HPD: variants seen among roughly 807,000 people sequenced by gnomAD.
HPD encodes the protein 4-hydroxyphenylpyruvate dioxygenase.
In HPD, 35 loss-of-function variants were observed where a neutral mutation model predicts 56.9. The ratio of observed to expected loss-of-function variants is 0.62; its 90% CI spans 0.47 to 0.82. The LOEUF (loss-of-function observed/expected upper bound fraction) is 0.82, where lower values mean the gene tolerates loss of function less well. Ranked by LOEUF, HPD falls within the 40% of genes least tolerant of loss-of-function variation. The pLI is 0.00. For synonymous variants in HPD, 186 were observed against 200.2 expected (o/e 0.93, Z 0.60); for missense variants, 442 against 506.8 (o/e 0.87, Z 1.23).
chr12:121,843,051 A>C (rs887863368), intron 12 of HPD, among the ~76,000 whole-genome samples: 1 of 152,142 alleles, frequency 6.6e-6, no homozygotes, highest in Admixed American at 6.6e-5. Context: ...CAGTCCTAAA[A>C]TGGATTTTGA....
chr12:121,881,888 C>T, the HPD span, among the ~76,000 whole-genome samples: 1 of 138,460 alleles, frequency 7.2e-6, no homozygotes, highest in Non-Finnish European at 1.6e-5. Flanking sequence ...CCTCATGATC[C>T]GCCCACCTCA....
At chr12:121,879,506 T>C in the HPD span, among the ~76,000 whole-genome samples, 5 of 151,142 alleles carry the variant, frequency 3.3e-5, no homozygotes, top group South Asian at 2.1e-4. Flanking sequence ...TCTTCTCTTT[T>C]TTCTTTTCTT....
Position 121,856,620 on chromosome 12 carries a change from C to G in HPD, c.204G>C (p.Val68=), listed in dbSNP as rs143602040. 38 of 1,614,028 alleles carry G rather than the reference C, an allele frequency of 2.4e-5. No homozygotes were observed. Among genetic ancestry groups the G allele is most frequent in the Non-Finnish European group, 3.1e-5 (36 of 1,180,008 alleles). ...VSHVIKQGKI[V]FVLSSALNPW... ...GGTTGAGCGCTGAGGAGAGGACAAA[C>G]ACAATCTAAGATAGGAGGAGAAGGA... Residue 68 remains valine, a synonymous_variant, in exon 5 of 14, where the codon GTG becomes GTC. Transcript: ENST00000289004.
chr12:121,852,171 C>T (rs1042387094), intron 7 of HPD, among the ~76,000 whole-genome samples: 27 of 151,938 alleles, frequency 1.8e-4, no homozygotes, highest in African/African-American at 6.0e-4. Flanking sequence ...AGGCATGCTC[C>T]ATCATGCCTG....
At chr12:121,886,563 G>T in the HPD span, among the ~76,000 whole-genome samples, 7 of 152,034 alleles carry the variant, frequency 4.6e-5, no homozygotes, top group African/African-American at 1.7e-4. Context: ...ACGTGGATTT[G>T]CTAATTGTTA....
In HPD at chr12:121,857,438, T is replaced by A. The variant is rs2707072; in HGVS notation, c.94-6A>T. On this transcript the variant is annotated splice_region_variant and splice_polypyrimidine_tract_variant and intron_variant, in intron 3 of 13. Coordinates refer to ENST00000289004, the MANE Select transcript of HPD (RefSeq NM_002150.3). ...CTGCAGTAGAATGACGTGGCCTGAA[T>A]CACAGGGTTGCAGCAGGGTTCATGA... 140,579 of 1,598,086 alleles carry A rather than the reference T, an allele frequency of 0.088. 8,440 individuals carry two copies. The highest frequency in any genetic ancestry group is 0.25 in the African/African-American group (18,866 of 74,642).
chr12:121,853,494 C>T (rs564883225), intron 7 of HPD, among the ~76,000 whole-genome samples: 5 of 151,392 alleles, frequency 3.3e-5, no homozygotes, highest in South Asian at 2.1e-4. Flanking sequence ...TGGTGGCGGG[C>T]GCCTGTAGTC....
At chr12:121,878,505 C>T in the HPD span, among the ~76,000 whole-genome samples, 49 of 152,178 alleles carry the variant, frequency 3.2e-4, no homozygotes, top group South Asian at 4.2e-4. Flanking sequence ...TACGCCACCA[C>T]GCCCGGCTAA....
intron 12 of HPD, among the ~76,000 whole-genome samples, chr12:121,840,511 G>C (rs370868477): frequency 1.3e-5 from 2 of 152,088 alleles, no homozygotes; most frequent in East Asian, 3.9e-4. Flanking sequence ...TATTGGTCAG[G>C]CTGGTCTCGA....
At chr12:121,845,609 A>T (rs1877558915) in intron 11 of HPD, among the ~76,000 whole-genome samples, 1 of 151,610 alleles carries the variant, frequency 6.6e-6, no homozygotes, top group Admixed American at 6.6e-5. Flanking sequence ...TCAAAAAAAA[A>T]AAAAAAAAAA....
At chr12:121,875,286 C>A in the HPD span, among the ~76,000 whole-genome samples, 1 of 152,132 alleles carries the variant, frequency 6.6e-6, no homozygotes, top group South Asian at 2.1e-4. Flanking sequence ...AGATTTAGAC[C>A]AAGGGCCATG....
At chr12:121,843,619 C>A in intron 12 of HPD, 91 bp downstream of exon 12, 2 of 1,485,950 alleles carry the variant, frequency 1.3e-6, no homozygotes, top group South Asian at 1.2e-5. Context: ...TTGGTCTGGG[C>A]TCCCCTCCGG....
upstream of HPD, among the ~76,000 whole-genome samples, chr12:121,864,222 G>GACAGAGCAAGACTCTGTCACA (rs1428351491): frequency 1.3e-5 from 2 of 151,192 alleles, no homozygotes; most frequent in African/African-American, 4.9e-5. Flanking sequence ...CCAGCCTGGC[G>GACAGAGCAAGACTCTGTCACA]ACAGAGCAAG....
At chr12:121,857,483 G>C in intron 3 of HPD, 51 bp from the exon 4 acceptor site, 1 of 1,362,956 alleles carries the variant, frequency 7.3e-7, no homozygotes, top group South Asian at 1.2e-5. Context: ...GGCCAGCATG[G>C]GGGACTTCCG....
intron 11 of HPD, among the ~76,000 whole-genome samples, chr12:121,845,406 C>T (rs1395843639): frequency 6.7e-6 from 1 of 149,160 alleles, no homozygotes; most frequent in Non-Finnish European, 1.5e-5. Context: ...ACCATCCTGG[C>T]TAACACAGTG....
the HPD span, among the ~76,000 whole-genome samples, chr12:121,877,688 G>A: frequency 6.6e-6 from 1 of 152,056 alleles, no homozygotes; most frequent in Non-Finnish European, 1.5e-5. Flanking sequence ...AGCTGAGATC[G>A]TGCCACTGCG....
At chr12:121,870,081 G>A in the HPD span, among the ~76,000 whole-genome samples, 1 of 150,654 alleles carries the variant, frequency 6.6e-6, no homozygotes, top group African/African-American at 2.4e-5. Context: ...CCCAGCGTAA[G>A]CTGATTTTTT....
rs1450141568 is a variant in HPD, at chr12:121,849,745, C to T, written c.460G>A (p.Gly154Ser). 1.2e-6 allele frequency: 2 copies of T among 1,613,942 alleles called. No individual in the cohort carries two copies. The highest frequency in any genetic ancestry group is 2.2e-5 in the East Asian group (1 of 44,872). The stretch of plus-strand genomic sequence containing the variant: ...GCCTCATATCCAGGCAAGAATTGGC[C>T]GATGTAGTTCATCTTCTCCACCAGG... ...HTLVEKMNYI[G>S]QFLPGYEAPA... The change falls in exon 8 of 14, where the codon GGC (glycine) becomes AGC (serine). Residue 154 changes from glycine to serine, a missense_variant. Gly to Ser is a moderately conservative substitution (Grantham distance 56). Coordinates refer to ENST00000289004, the MANE Select transcript of HPD (RefSeq NM_002150.3).
upstream of HPD, among the ~76,000 whole-genome samples, chr12:121,862,367 G>A (rs909605229): frequency 1.3e-5 from 2 of 150,826 alleles, no homozygotes; most frequent in African/African-American, 4.9e-5. Flanking sequence ...GTGCGATCTC[G>A]GCTTATTACA....
Sources: allele counts gnomAD v4.1 joint callset (sites outside exome capture counted in the v4.1 genomes callset), GRCh38; gene constraint gnomAD v4.1.1; transcripts MANE v1.5; gene names NCBI Gene and HGNC (gene_info 2026-07-23, HGNC 2026-07-21).